The following SHF variants were observed in gnomAD, a reference collection of about 807,000 sequenced individuals.
The protein encoded by SHF is SH2 domain-containing adapter protein F.
SHF carries 30 observed loss-of-function variants against 42.4 expected under a neutral mutation model. That is an observed-to-expected ratio of 0.71 (90% CI 0.53 to 0.96). The LOEUF (loss-of-function observed/expected upper bound fraction) is 0.96, where lower values mean the gene tolerates loss of function less well. SHF is among the 40% of genes least tolerant of loss of function. The pLI is 0.00. For missense variants in SHF, 598 were observed against 634.0 expected (o/e 0.94, Z 0.61); for synonymous variants, 264 against 269.9 (o/e 0.98, Z 0.21).
intron 2 of SHF, among the ~76,000 whole-genome samples, chr15:45,177,483 C>A (rs1897876933): frequency 6.6e-6 from 1 of 152,186 alleles, no homozygotes; most frequent in Non-Finnish European, 1.5e-5. Context: ...TGGCTCCACT[C>A]CCCATTTTGA....
upstream of SHF, among the ~76,000 whole-genome samples, chr15:45,188,713 T>A (rs2141431587): frequency 6.6e-6 from 1 of 152,372 alleles, no homozygotes; most frequent in Admixed American, 6.5e-5. Flanking sequence ...GACGATAGCA[T>A]GCGCACGCAC....
At chr15:45,182,868 T>G (rs1034392382) in intron 1 of SHF, among the ~76,000 whole-genome samples, 1 of 152,256 alleles carries the variant, frequency 6.6e-6, no homozygotes, top group African/African-American at 2.4e-5. Flanking sequence ...TCTCCTATTT[T>G]ATCTGAGAAA....
At chr15:45,168,757 C>G (rs1897334806) in intron 6 of SHF, among the ~76,000 whole-genome samples, 1 of 152,192 alleles carries the variant, frequency 6.6e-6, no homozygotes, top group Admixed American at 6.5e-5. Flanking sequence ...GCCCCTAGCT[C>G]ATTTATCCGG....
Position 45,167,733 on chromosome 15 carries a change from C to T in SHF, c.*214G>A. 1 of 407,176 alleles carries T rather than the reference C, an allele frequency of 2.5e-6. No homozygotes were observed. Among genetic ancestry groups the T allele is most frequent in the Non-Finnish European group, 4.3e-6 (1 of 234,570 alleles). 25.2% of individuals were successfully genotyped at this position (407,176 alleles called of 1,614,324 possible). A position where few individuals can be genotyped will look rare whatever the true frequency, so the allele number is the denominator to read the frequency against. ...TCCTCCAGGGGCTATCCTTTCTCTC[C>T]AGGGATTCCTCTTTCCCCAGCTCCA... is the stretch of plus-strand genomic sequence containing the variant. On this transcript the variant is annotated 3_prime_UTR_variant, in exon 7 of 7. Coordinates refer to ENST00000690270, the MANE Select transcript of SHF (RefSeq NM_001394037.1).
At chr15:45,187,026 C>A (rs1441794751) in intron 1 of SHF, among the ~76,000 whole-genome samples, 1 of 152,230 alleles carries the variant, frequency 6.6e-6, no homozygotes, top group Non-Finnish European at 1.5e-5. Context: ...GAGCTTTGTG[C>A]TGGCTATGCC....
chr15:45,171,257 G>C (rs188426538), intron 6 of SHF: 37 of 154,096 alleles, frequency 2.4e-4, no homozygotes, highest in Admixed American at 1.5e-3. Flanking sequence ...GCTCCTGGGA[G>C]GAAAGCCTGA....
At chr15:45,188,129 C>T (rs1356079642), upstream of SHF, among the ~76,000 whole-genome samples, 1 of 152,122 alleles carries the variant, frequency 6.6e-6, no homozygotes, top group East Asian at 1.9e-4. Context: ...GAAGAGTGTA[C>T]GCGGGCTTCC....
chr15:45,196,555 G>T (rs7181168), intron 2 of SHF, among the ~76,000 whole-genome samples: 5 of 152,134 alleles, frequency 3.3e-5, no homozygotes, highest in African/African-American at 9.7e-5. Flanking sequence ...GAAGCCCCAA[G>T]TCAGTTGCTT....
intron 1 of SHF, chr15:45,200,484 C>G (rs1011993517): frequency 2.9e-6 from 1 of 343,278 alleles, no homozygotes; most frequent in African/African-American, 2.1e-5. Flanking sequence ...ACGATCACGG[C>G]GAGCTACTAG....
At chr15:45,173,269 C>G (rs187200838) in intron 4 of SHF, among the ~76,000 whole-genome samples, 1 of 152,302 alleles carries the variant, frequency 6.6e-6, no homozygotes, top group African/African-American at 2.4e-5. Context: ...TCTGTCCCAC[C>G]CCCAGCTCAG....
chr15:45,170,651 T>C (rs948019518), intron 6 of SHF: 789 of 299,698 alleles, frequency 2.6e-3, no homozygotes, highest in South Asian at 3.4e-3. Context: ...TTTTCTTTTT[T>C]TTTTTTTTTT....
intron 2 of SHF, chr15:45,198,505 A>G: frequency 2.5e-6 from 1 of 406,390 alleles, no homozygotes; most frequent in Non-Finnish European, 4.4e-6. Flanking sequence ...AAAGGAGAGA[A>G]ACGTTGGTTC....
chr15:45,175,672 C>T (rs1468133588), intron 2 of SHF, among the ~76,000 whole-genome samples: 1 of 152,200 alleles, frequency 6.6e-6, no homozygotes, highest in South Asian at 2.1e-4. Flanking sequence ...AAGGATCCTG[C>T]AACAGCCAGC....
chr15:45,169,953 A>G (rs1346932158), intron 6 of SHF, among the ~76,000 whole-genome samples: 2 of 152,246 alleles, frequency 1.3e-5, no homozygotes, highest in African/African-American at 4.8e-5. Flanking sequence ...GAGAAGAGAA[A>G]CCATAATTCT....
rs962559626 is a variant in SHF, at chr15:45,200,841, G to C, written c.-161C>G. On this transcript the variant is annotated 5_prime_UTR_variant, in exon 1 of 8. Transcript: ENST00000290894. ...TCAGATAGCATGATAGTCAGGGCAT[G>C]GTGAGCGTCAGAGAGACTTTGGGCC... 8.8e-6 allele frequency: 4 copies of C among 456,310 alleles called. 1 individual carries two copies. Among genetic ancestry groups the C allele is most frequent in the South Asian group, 6.2e-5 (4 of 64,574 alleles). 28.3% of individuals were successfully genotyped at this position (456,310 alleles called of 1,614,324 possible).
intron 2 of SHF, among the ~76,000 whole-genome samples, chr15:45,196,417 A>G (rs1269470215): frequency 6.6e-6 from 1 of 152,136 alleles, no homozygotes; most frequent in African/African-American, 2.4e-5. Context: ...ATATCAGAAG[A>G]TCTGGTGCAT....
chr15:45,198,568 A>G, intron 2 of SHF: 1 of 555,202 alleles, frequency 1.8e-6, no homozygotes, highest in Non-Finnish European at 3.0e-6. Context: ...AAAGGGGAAA[A>G]AAATACCGAG....
intron 3 of SHF, 105 bp from the exon 4 acceptor site, chr15:45,173,821 G>T: frequency 7.6e-7 from 1 of 1,311,090 alleles, no homozygotes; most frequent in Non-Finnish European, 1.1e-6. Flanking sequence ...GGACAGCCTA[G>T]AAATGAGGAG....
At chr15:45,179,130 G>C (rs1189414654) in intron 1 of SHF, among the ~76,000 whole-genome samples, 1 of 152,250 alleles carries the variant, frequency 6.6e-6, no homozygotes, top group African/African-American at 2.4e-5. Flanking sequence ...ATCAAGGAAG[G>C]GAAGACTGAG....
Sources: allele counts gnomAD v4.1 joint callset (sites outside exome capture counted in the v4.1 genomes callset), GRCh38; gene constraint gnomAD v4.1.1; transcripts MANE v1.5; gene names NCBI Gene and HGNC (gene_info 2026-07-23, HGNC 2026-07-21).